The following CSPG4 variants were observed in gnomAD, a reference collection of about 807,000 sequenced individuals.
The protein encoded by CSPG4 is chondroitin sulfate proteoglycan 4 (melanoma-associated).
Under a neutral mutation model 139.3 loss-of-function variants are expected in CSPG4, and 74 were observed. The observed-to-expected ratio is 0.53, with a 90% confidence interval of 0.44 to 0.64. CSPG4 has a LOEUF of 0.64. Ranked by LOEUF, CSPG4 falls within the 30% of genes least tolerant of loss-of-function variation. The pLI, the probability that CSPG4 is intolerant of heterozygous loss-of-function variation, is 0.00. For missense variants in CSPG4, 2,565 were observed against 3,148.3 expected (o/e 0.81, Z 4.43); for synonymous variants, 1,234 against 1,394.2 (o/e 0.89, Z 2.56).
intron 1 of CSPG4, among the ~76,000 whole-genome samples, chr15:75,694,808 A>C: frequency 6.6e-6 from 1 of 152,258 alleles, no homozygotes; most frequent in East Asian, 1.9e-4. Context: ...GGTTCAGCAG[A>C]GCTTGGCGCC....
intron 1 of CSPG4, among the ~76,000 whole-genome samples, chr15:75,706,163 T>C (rs960568573): frequency 4.6e-5 from 7 of 152,152 alleles, no homozygotes; most frequent in African/African-American, 7.2e-5. Flanking sequence ...AGCTGCCCCT[T>C]CCTGAAATGT....
rs373587617 is a variant in CSPG4 at position 75,687,839 on chromosome 15, G to A, written c.3226C>T (p.Arg1076Trp). ...GSIVAVDEPT[R>W]PIYRFTQEDL... ...TCCTGGGTGAAGCGGTAGATGGGCC[G>A]CGTGGGCTCATCTACGGCCACGATA... is the stretch of plus-strand genomic sequence containing the variant. The change falls in exon 3 of 10, where the codon CGG becomes TGG. Residue 1076 changes from arginine to tryptophan, a missense_variant. Transcript: ENST00000308508. The surrounding 1 kb of genome is among the most constrained non-coding windows in gnomAD (Gnocchi z 5.4). 34 of 1,612,780 alleles carry A rather than the reference G, an allele frequency of 2.1e-5. No individual in the cohort carries two copies. Among genetic ancestry groups the A allele is most frequent in the East Asian group, 6.7e-5 (3 of 44,904 alleles).
At chr15:75,693,773 T>C (rs1596010783) in intron 1 of CSPG4, among the ~76,000 whole-genome samples, 1 of 152,210 alleles carries the variant, frequency 6.6e-6, no homozygotes, top group African/African-American at 2.4e-5. Flanking sequence ...CCCGCCTCCA[T>C]GGGTTGGCTG....
intron 1 of CSPG4, among the ~76,000 whole-genome samples, chr15:75,699,251 C>T (rs1365968669): frequency 1.3e-5 from 2 of 152,248 alleles, no homozygotes; most frequent in Non-Finnish European, 2.9e-5. Context: ...CGTCTAAATG[C>T]TGCAGAGACC....
chr15:75,676,103 C>G lies in CSPG4; in HGVS notation c.6416G>C (p.Gly2139Ala), dbSNP rs756113110. ...CCACAGCTCCAGAGTGAGACTGTCA[C>G]CTGCGGGGCCGGGGGCCCTCCCCTC... Reference protein sequence around the residue: ...RPEGRAPGPAGDSLTLELWAQ... With the variant: ...RPEGRAPGPAADSLTLELWAQ... The change falls in exon 10 of 10, where the codon GGT (glycine) becomes GCT (alanine). Residue 2139 changes from glycine (G) to alanine (A), a missense_variant. By Grantham distance (60) the Gly-to-Ala change is moderately conservative. This residue lies in a region of CSPG4 where 2,316 missense variants were observed against 2,818.2 expected (regional missense o/e 0.82). Coordinates refer to ENST00000308508, the MANE Select transcript of CSPG4 (RefSeq NM_001897.5). 1 of 1,534,332 alleles carries G rather than the reference C, an allele frequency of 6.5e-7. No individual in the cohort carries two copies. Among genetic ancestry groups the G allele is most frequent in the South Asian group, 1.2e-5 (1 of 84,392 alleles).
At chr15:75,708,080 G>A (rs1368781339) in intron 1 of CSPG4, among the ~76,000 whole-genome samples, 2 of 143,854 alleles carry the variant, frequency 1.4e-5, no homozygotes, top group Non-Finnish European at 3.0e-5. Context: ...GGGGTCAGGG[G>A]TTTCTGCAGT....
chr15:75,677,979 T>A, intron 8 of CSPG4, 93 bp from the exon 9 acceptor site: 2 of 1,236,592 alleles, frequency 1.6e-6, no homozygotes, highest in Non-Finnish European at 2.2e-6. Flanking sequence ...CACTCTGGGC[T>A]CTCCTGGGTG....
At position 75,688,432 on chromosome 15, in the gene CSPG4, G is replaced by A; in HGVS notation, c.2633C>T (p.Thr878Ile). ...AVEDTFRFRV[T>I]APPYFSPLYT... ...GAGTGGGGAGAAATATGGTGGAGCT[G>A]TGACACGGAAACGGAAGGTGTCCTC... Residue 878 changes from threonine (T) to isoleucine (I), a missense_variant, in exon 3 of 10, where the codon ACA becomes ATA. Coordinates refer to ENST00000308508, the MANE Select transcript of CSPG4 (RefSeq NM_001897.5). The A allele has an allele frequency of 6.2e-7, 1 of 1,613,322 alleles. No individual in the cohort carries two copies. The highest frequency in any genetic ancestry group is 1.1e-5 in the South Asian group (1 of 91,088).
rs773068876 is a variant in CSPG4, at chr15:75,685,237, G to A, written c.4254C>T (p.Ser1418=). The A allele has an allele frequency of 9.2e-6, 14 of 1,522,698 alleles. No homozygotes were observed. In the South Asian group the frequency reaches 1.0e-4, roughly 11 times the overall value. The allele number at this position is 1,522,698 out of a possible 1,614,324, so 94.3% of individuals were successfully genotyped here. ...GCCATACCATTCTCCAGGAGAAGGC[G>A]CTGAGGGTCCTGGCTTGAGGTCCGT... ...KEDGPQARTL[S]AFSWRMVEEQ... The change falls in exon 4 of 10, where the codon AGC becomes AGT. Residue 1418 remains serine, a synonymous_variant. Coordinates refer to ENST00000308508, the MANE Select transcript of CSPG4 (RefSeq NM_001897.5).
In CSPG4 at chr15:75,676,276, C is replaced by T. The variant is rs530632612; in HGVS notation, c.6243G>A (p.Pro2081=). Residue 2081 remains proline (P), a synonymous_variant, in exon 10 of 10, where the codon CCG becomes CCA. Coordinates refer to ENST00000308508, the MANE Select transcript of CSPG4 (RefSeq NM_001897.5). ...GGGGTCCCTCCAGGAGGCGGAAGCG[C>T]GGCACACTGCCTGTGCGGTTGGCCA... ...GELANRTGSV[P]RFRLLEGPRH... is the part of the protein sequence containing the mutation. 16 of 1,584,506 alleles carry T rather than the reference C, an allele frequency of 1.0e-5. No homozygotes were observed. The highest frequency in any genetic ancestry group is 3.4e-5 in the South Asian group (3 of 89,164).
rs898674382 is a variant in CSPG4 at position 75,696,395 on chromosome 15, C to T, written c.89-3162G>A. On this transcript the variant is annotated intron_variant, in intron 1 of 9. Coordinates refer to ENST00000308508, the MANE Select transcript of CSPG4 (RefSeq NM_001897.5). This position sits in a 1 kb window ranked among gnomAD's most constrained non-coding sequence, Gnocchi z 4.2. Reference sequence around the variant, plus strand: ...TGTATGGGTTTCTCTCTCTGGAAGGCGCGTCAGTGGGCGTCCAGGGCTGTA... The same window carrying T: ...TGTATGGGTTTCTCTCTCTGGAAGGTGCGTCAGTGGGCGTCCAGGGCTGTA... 6.6e-6 allele frequency among the ~76,000 whole-genome samples: 1 copy of T among 151,992 alleles called. No individual in the cohort carries two copies. Among genetic ancestry groups the T allele is most frequent in the African/African-American group, 2.4e-5 (1 of 41,346 alleles).
chr15:75,689,107 G>T lies in CSPG4; in HGVS notation c.1958C>A (p.Thr653Lys). Residue 653 changes from threonine (T) to lysine (K), a missense_variant, in exon 3 of 10, where the codon ACG becomes AAG. This residue lies in a region of CSPG4 where 2,316 missense variants were observed against 2,818.2 expected (regional missense o/e 0.82). Coordinates refer to ENST00000308508, the MANE Select transcript of CSPG4 (RefSeq NM_001897.5). ...CGGCCGGATGGCCACCACCTTCAGC[G>T]TGGCCGGGGGGCTGGCCTGCAGTCC... is the stretch of plus-strand genomic sequence containing the variant. ...SDGLQASPPA[T>K]LKVVAIRPAI... The T allele has an allele frequency of 6.2e-7, 1 of 1,603,664 alleles. No individual in the cohort carries two copies. The highest frequency in any genetic ancestry group is 8.5e-7 in the Non-Finnish European group (1 of 1,175,352).
intron 1 of CSPG4, among the ~76,000 whole-genome samples, chr15:75,709,196 A>C (rs1344748179): frequency 6.6e-6 from 1 of 152,178 alleles, no homozygotes; most frequent in African/African-American, 2.4e-5. Context: ...AAAATTCCTC[A>C]TACAAACTCA....
At chr15:75,704,798 C>T (rs1361754636) in intron 1 of CSPG4, among the ~76,000 whole-genome samples, 1 of 152,204 alleles carries the variant, frequency 6.6e-6, no homozygotes, top group Non-Finnish European at 1.5e-5. Context: ...AGGGCTGTCC[C>T]CTCCCTCAGT....
upstream of CSPG4, chr15:75,712,980 G>A: frequency 1.9e-6 from 1 of 518,250 alleles, no homozygotes. Context: ...GCCCGTGCGG[G>A]GCTGTTCCTC....
chr15:75,701,137 G>A (rs953895736), intron 1 of CSPG4, among the ~76,000 whole-genome samples: 6 of 152,170 alleles, frequency 3.9e-5, no homozygotes, highest in South Asian at 2.1e-4. Context: ...GGCCACTACC[G>A]TGGGTACAGT....
At chr15:75,707,602 C>T (rs1336382592) in intron 1 of CSPG4, among the ~76,000 whole-genome samples, 1 of 152,250 alleles carries the variant, frequency 6.6e-6, no homozygotes, top group Non-Finnish European at 1.5e-5. Context: ...CCACCTTCTG[C>T]TCCCGGCCTC....
At chr15:75,701,874 C>G (rs1335077849) in intron 1 of CSPG4, among the ~76,000 whole-genome samples, 3 of 152,234 alleles carry the variant, frequency 2.0e-5, no homozygotes, top group African/African-American at 7.2e-5. Context: ...GAGTAGACAT[C>G]TGAGGGTCGC....
Position 75,690,261 on chromosome 15 carries a change from C to T in CSPG4, c.804G>A (p.Gln268=). 1 of 1,613,304 alleles carries T rather than the reference C, an allele frequency of 6.2e-7. No individual in the cohort carries two copies. The highest frequency in any genetic ancestry group is 8.5e-7 in the Non-Finnish European group (1 of 1,179,826). ...CACTGTTGTGGAGCAATACGGTACC[C>T]TGGCCCTTCTCCACCACGGCCCGCA... ...GHLRAVVEKG[Q]GTVLLHNSVP... The change falls in exon 3 of 10, where the codon CAG becomes CAA. Residue 268 remains glutamine, a synonymous_variant. Coordinates refer to ENST00000308508, the MANE Select transcript of CSPG4 (RefSeq NM_001897.5).
Sources: allele counts gnomAD v4.1 joint callset (sites outside exome capture counted in the v4.1 genomes callset), GRCh38; gene constraint gnomAD v4.1.1; regional missense constraint gnomAD v4.1.1; non-coding constraint Gnocchi (gnomAD v3.1); transcripts MANE v1.5; gene names NCBI Gene and HGNC (gene_info 2026-07-23, HGNC 2026-07-21).